CNTLN: variants seen among roughly 807,000 people sequenced by gnomAD.
CNTLN encodes centlein, centrosomal protein.
In CNTLN, 212 loss-of-function variants were observed where a neutral mutation model predicts 180.0. That is an observed-to-expected ratio of 1.18 (90% confidence interval 1.05 to 1.32). CNTLN has a LOEUF of 1.32. CNTLN is among the 40% of genes most tolerant of loss of function. The pLI, the probability that CNTLN is intolerant of heterozygous loss-of-function variation, is 0.00. For synonymous variants in CNTLN, 722 were observed against 563.1 expected (o/e 1.28, Z -3.99); for missense variants, 2,095 against 1,610.9 (o/e 1.30, Z -5.14).
intron 18 of CNTLN, among the ~76,000 whole-genome samples, chr9:17,431,886 C>T (rs1339418099): frequency 6.6e-6 from 1 of 152,104 alleles, no homozygotes; most frequent in Non-Finnish European, 1.5e-5. Flanking sequence ...AAGGATCAAA[C>T]AAATATATTT....
chr9:17,148,949 C>T (rs1818646182), intron 2 of CNTLN, among the ~76,000 whole-genome samples: 1 of 152,134 alleles, frequency 6.6e-6, no homozygotes, highest in Admixed American at 6.5e-5. Context: ...ACGTATTTCT[C>T]CTAATGTTAT....
intron 18 of CNTLN, among the ~76,000 whole-genome samples, chr9:17,434,747 A>C (rs913516840): frequency 4.0e-5 from 6 of 151,874 alleles, no homozygotes; most frequent in Non-Finnish European, 4.4e-5. Flanking sequence ...TAATTAAGTT[A>C]TGTACTTTTT....
At chr9:17,213,944 G>T (rs1250866485) in intron 2 of CNTLN, among the ~76,000 whole-genome samples, 1 of 152,064 alleles carries the variant, frequency 6.6e-6, no homozygotes, top group Non-Finnish European at 1.5e-5. Context: ...GAGCGTATGT[G>T]TGTCTTTGCA....
the CNTLN span, among the ~76,000 whole-genome samples, chr9:17,517,008 C>T: frequency 1.3e-5 from 2 of 151,600 alleles, no homozygotes; most frequent in East Asian, 3.9e-4. Flanking sequence ...ATGTTACATT[C>T]CTAAAGTAAT....
chr9:17,258,770 CTGTT>C (rs1332789247), intron 5 of CNTLN, among the ~76,000 whole-genome samples: 3 of 146,136 alleles, frequency 2.1e-5, no homozygotes, highest in Admixed American at 6.8e-5. Context: ...ATTTGGCTCT[CTGTT>C]TGTCTGTTGT....
intron 18 of CNTLN, among the ~76,000 whole-genome samples, chr9:17,443,403 C>T (rs1166508240): frequency 6.6e-6 from 1 of 151,994 alleles, no homozygotes; most frequent in Non-Finnish European, 1.5e-5. Context: ...TAAATAATAG[C>T]AGGTATTGTG....
chr9:17,463,432 T>G (rs1010166962), intron 20 of CNTLN, among the ~76,000 whole-genome samples: 5 of 151,616 alleles, frequency 3.3e-5, no homozygotes, highest in Admixed American at 6.6e-5. Flanking sequence ...TATGGAAGTT[T>G]GTACTCTTGT....
At chr9:17,440,413 A>T (rs1830035480) in intron 18 of CNTLN, among the ~76,000 whole-genome samples, 1 of 146,504 alleles carries the variant, frequency 6.8e-6, no homozygotes, top group Non-Finnish European at 1.5e-5. Flanking sequence ...CTCTACTAAA[A>T]TAAAATACAA....
intron 5 of CNTLN, among the ~76,000 whole-genome samples, chr9:17,261,974 A>T (rs10962957): frequency 0.12 from 18,349 of 151,522 alleles, 1,776 homozygotes; most frequent in African/African-American, 0.22. Flanking sequence ...AAACATAGGA[A>T]AAAAGCTTAT....
At chr9:17,425,539 T>C (rs1370221617) in intron 18 of CNTLN, among the ~76,000 whole-genome samples, 1 of 152,160 alleles carries the variant, frequency 6.6e-6, no homozygotes, top group East Asian at 1.9e-4. Flanking sequence ...AGCAAACTAA[T>C]AGATTTTGGT....
At chr9:17,270,873 T>C (rs2132487496) in intron 5 of CNTLN, among the ~76,000 whole-genome samples, 1 of 152,064 alleles carries the variant, frequency 6.6e-6, no homozygotes, top group African/African-American at 2.4e-5. Flanking sequence ...CTGAACAAGA[T>C]ATAGTGGGAA....
chr9:17,494,857 A>G (rs758150992), intron 25 of CNTLN: 1 of 399,852 alleles, frequency 2.5e-6, no homozygotes, highest in South Asian at 1.9e-5. Flanking sequence ...TTACTAGTTT[A>G]TGTATTTACT....
chr9:17,400,901 C>T (rs760100932), intron 15 of CNTLN, among the ~76,000 whole-genome samples: 2 of 152,026 alleles, frequency 1.3e-5, no homozygotes, highest in Non-Finnish European at 2.9e-5. Context: ...CTTTTTTAGG[C>T]CTGCATTTTG....
At chr9:17,216,081 C>T (rs1823733588) in intron 2 of CNTLN, among the ~76,000 whole-genome samples, 1 of 152,070 alleles carries the variant, frequency 6.6e-6, no homozygotes, top group Admixed American at 6.5e-5. Flanking sequence ...TCTGACAAGC[C>T]CCAGTGAGTT....
chr9:17,237,700 G>T (rs553308491), intron 5 of CNTLN, among the ~76,000 whole-genome samples: 10 of 151,956 alleles, frequency 6.6e-5, no homozygotes, highest in Middle Eastern at 3.4e-3. Context: ...CCCTGGCTGG[G>T]TTCAATCCTC....
Position 17,394,932 on chromosome 9 carries a change from C to A in CNTLN, c.2478C>A (p.Thr826=). ...GATATGATTGTAAGACAACTATGAC[C>A]AAGGTTAAATTTAAAGCTGCGAAGA... The part of the protein sequence containing the change: ...SGRYDCKTTM[T]KVKFKAAKKN... The change falls in exon 15 of 26, where the codon ACC becomes ACA. Residue 826 remains threonine (T), a synonymous_variant. Transcript: ENST00000380647. 6.2e-7 allele frequency: 1 copy of A among 1,614,006 alleles called. No individual in the cohort carries two copies.
At position 17,495,249 on chromosome 9, in the gene CNTLN, G is replaced by T. The variant is rs568641271; in HGVS notation, c.4120-7302G>T. ...ACTTATTAAAAAAAAAAACTTAACT[G>T]TAAAACAGCCTAAGGCAGGTCCTTC... On this transcript the variant is annotated intron_variant, in intron 25 of 25. Coordinates refer to ENST00000380647, the MANE Select transcript of CNTLN (RefSeq NM_017738.4). Among the ~76,000 whole-genome samples, 13 of 151,836 alleles carry T rather than the reference G, an allele frequency of 8.6e-5. No homozygotes were observed. The South Asian group carries it at 2.3e-3, about 27-fold the overall frequency.
intron 18 of CNTLN, among the ~76,000 whole-genome samples, chr9:17,420,924 G>C (rs141941030): frequency 2.6e-5 from 4 of 152,218 alleles, no homozygotes; most frequent in African/African-American, 9.6e-5. Context: ...CAGAGAAAAT[G>C]CTTGATACAA....
chr9:17,497,095 A>G (rs1339455438), intron 25 of CNTLN, among the ~76,000 whole-genome samples: 4 of 152,176 alleles, frequency 2.6e-5, no homozygotes, highest in East Asian at 1.9e-4. Flanking sequence ...AGGGAATTCA[A>G]TTCCTTTTTG....
Sources: gnomAD v4.1 joint callset for allele counts (sites outside exome capture counted in the v4.1 genomes callset) on GRCh38, gnomAD v4.1.1 for gene constraint, MANE v1.5 for transcripts, NCBI Gene and HGNC (gene_info 2026-07-23, HGNC 2026-07-21) for gene names.